SIGLEC15: variants seen among roughly 807,000 people sequenced by gnomAD.
SIGLEC15 encodes sialic acid-binding Ig-like lectin 15.
SIGLEC15 carries 31 observed loss-of-function variants against 26.2 expected under a neutral mutation model. The observed-to-expected ratio is 1.18, with a 90% CI of 0.89 to 1.60. SIGLEC15 has a LOEUF of 1.60. SIGLEC15 is among the 40% of genes most tolerant of loss of function. The pLI is 0.00. For missense variants in SIGLEC15, 501 were observed against 488.4 expected, an observed-to-expected ratio of 1.03 and a Z score of -0.24; for synonymous variants, 207 against 221.9, an observed-to-expected ratio of 0.93 and a Z score of 0.60.
chr18:45,838,505 CT>C (rs765795082), intron 3 of SIGLEC15: 16 of 677,902 alleles, frequency 2.4e-5, no homozygotes, highest in Non-Finnish European at 3.7e-5. Flanking sequence ...CTTAAGGCAA[CT>C]GCTATCATGA....
At chr18:45,832,756 C>G (rs886597359) in intron 1 of SIGLEC15, among the ~76,000 whole-genome samples, 2 of 152,196 alleles carry the variant, frequency 1.3e-5, no homozygotes, top group Admixed American at 6.5e-5. Context: ...AGCAGACAGG[C>G]ATAAGCTGCC....
intron 1 of SIGLEC15, among the ~76,000 whole-genome samples, chr18:45,829,894 C>T (rs935880990): frequency 6.6e-6 from 1 of 152,186 alleles, no homozygotes; most frequent in Non-Finnish European, 1.5e-5. Context: ...TAAAGCCCAC[C>T]CCAGCAGACC....
At chr18:45,827,610 A>T (rs1042797074) in intron 1 of SIGLEC15, among the ~76,000 whole-genome samples, 2 of 152,138 alleles carry the variant, frequency 1.3e-5, no homozygotes, top group Non-Finnish European at 2.9e-5. Flanking sequence ...ACCTTTCTTG[A>T]GTCCCTGTAA....
chr18:45,827,287 C>T (rs879433341), intron 1 of SIGLEC15, among the ~76,000 whole-genome samples: 1 of 152,140 alleles, frequency 6.6e-6, no homozygotes, highest in African/African-American at 2.4e-5. Context: ...AGGGGCTCAA[C>T]AAGTGGCAGG....
At position 45,838,737 on chromosome 18, in the gene SIGLEC15, C is replaced by CAGAT. The variant is rs1037657712; in HGVS notation, c.517_518insGATA (p.Ile173ArgfsTer45). 7 of 1,579,288 alleles carry CAGAT rather than the reference C, an allele frequency of 4.4e-6. No individual in the cohort carries two copies. The African/African-American group carries it at 9.6e-5, about 22-fold the overall frequency. On this transcript the variant is annotated frameshift_variant, in exon 4 of 6. Transcript: ENST00000389474. LOFTEE classifies it high-confidence loss of function. ...CTGCAGCCGCGCCGCGGATCGTCAA[C>CAGAT]ATCTCGGTGCTGCCCAGTCCGGCTC... is the stretch of plus-strand genomic sequence containing the variant.
rs749688384 is a variant in SIGLEC15 at position 45,838,756 on chromosome 18, C to G, written c.535C>G (p.Pro179Ala). ...RIVNISVLPS[P>A]AHAFRALCTA... ...CGTCAACATCTCGGTGCTGCCCAGT[C>G]CGGCTCACGCCTTCCGCGCGCTCTG... Residue 179 changes from proline (P) to alanine (A), a missense_variant, in exon 4 of 6, where the codon CCG becomes GCG. Coordinates refer to ENST00000389474, the MANE Select transcript of SIGLEC15 (RefSeq NM_213602.3). 5 of 1,581,938 alleles carry G rather than the reference C, an allele frequency of 3.2e-6. No individual in the cohort carries two copies. The highest frequency in any genetic ancestry group is 1.4e-5 in the African/African-American group (1 of 73,822).
intron 3 of SIGLEC15, 50 bp from the exon 4 acceptor site, chr18:45,838,668 G>A (rs934987955): frequency 9.4e-6 from 14 of 1,493,716 alleles, no homozygotes; most frequent in Non-Finnish European, 1.2e-5. Flanking sequence ...CGTCCAAAGG[G>A]CTAAGGGGAG....
At chr18:45,828,062 CTCT>C (rs1439029899) in intron 1 of SIGLEC15, among the ~76,000 whole-genome samples, 6 of 152,200 alleles carry the variant, frequency 3.9e-5, no homozygotes, top group Admixed American at 6.5e-5. Flanking sequence ...CTTCTGGCTG[CTCT>C]TCTTCTGGGA....
intron 5 of SIGLEC15, among the ~76,000 whole-genome samples, chr18:45,841,889 A>T (rs2048327587): frequency 6.6e-6 from 1 of 152,086 alleles, no homozygotes; most frequent in Non-Finnish European, 1.5e-5. Context: ...AGACAGAGAT[A>T]GCAACTCTAT....
intron 3 of SIGLEC15, 96 bp downstream of exon 3, chr18:45,837,992 C>T: frequency 7.3e-7 from 1 of 1,362,584 alleles, no homozygotes; most frequent in Non-Finnish European, 9.4e-7. Context: ...TGTGCTGAGC[C>T]AGGAAGGGCA....
chr18:45,831,091 G>A (rs1191582712), intron 1 of SIGLEC15, among the ~76,000 whole-genome samples: 1 of 152,146 alleles, frequency 6.6e-6, no homozygotes, highest in Non-Finnish European at 1.5e-5. Flanking sequence ...CAGAGCTAGG[G>A]CTGGAGCCCC....
Position 45,842,349 on chromosome 18 carries a change from T to C in SIGLEC15, c.*162T>C, listed in dbSNP as rs1315736176. The C allele has an allele frequency of 1.5e-6, 1 of 665,536 alleles. No individual in the cohort carries two copies. Among genetic ancestry groups the C allele is most frequent in the Admixed American group, 2.9e-5 (1 of 35,050 alleles). 41.2% of individuals were successfully genotyped at this position (665,536 alleles called of 1,614,324 possible). On this transcript the variant is annotated 3_prime_UTR_variant, in exon 6 of 6. Coordinates refer to ENST00000389474, the MANE Select transcript of SIGLEC15 (RefSeq NM_213602.3). ...TCAAGACCCTGCTCAAGGAGGCTCA[T>C]CTGGCCTCCTATGTGGACAACCATT...
At chr18:45,833,676 T>C (rs1317688259) in intron 1 of SIGLEC15, among the ~76,000 whole-genome samples, 2 of 152,212 alleles carry the variant, frequency 1.3e-5, no homozygotes, top group Admixed American at 6.5e-5. Context: ...ACAGATTTAA[T>C]GCAAACCAAG....
chr18:45,838,595 G>T, intron 3 of SIGLEC15, 123 bp from the exon 4 acceptor site: 1 of 1,312,072 alleles, frequency 7.6e-7, no homozygotes, highest in Non-Finnish European at 1.0e-6. Flanking sequence ...TTGGGACGGG[G>T]GCAGCCTGGC....
chr18:45,840,137 T>C (rs538607614), intron 4 of SIGLEC15, 74 bp from the exon 5 acceptor site: 2 of 1,535,862 alleles, frequency 1.3e-6, no homozygotes, highest in African/African-American at 2.7e-5. Context: ...CCACATGGCA[T>C]GGGTGGGGGT....
Position 45,842,217 on chromosome 18 carries a change from A to G in SIGLEC15, c.*30A>G, listed in dbSNP as rs1402877626. On this transcript the variant is annotated 3_prime_UTR_variant, in exon 6 of 6. Coordinates refer to ENST00000389474, the MANE Select transcript of SIGLEC15 (RefSeq NM_213602.3). Reference sequence around the variant, plus strand: ...TCCCTCAGCCACCAACATCCATTTCAGCACTGTAAAGAACAAAGGCCAGTG... The same window carrying G: ...TCCCTCAGCCACCAACATCCATTTCGGCACTGTAAAGAACAAAGGCCAGTG... 6.2e-7 allele frequency: 1 copy of G among 1,611,884 alleles called. No homozygotes were observed. Among genetic ancestry groups the G allele is most frequent in the South Asian group, 1.1e-5 (1 of 91,026 alleles).
Position 45,837,762 on chromosome 18 carries a change from G to T in SIGLEC15, c.362G>T (p.Arg121Leu). 6.6e-7 allele frequency: 1 copy of T among 1,519,934 alleles called. No individual in the cohort carries two copies. Among genetic ancestry groups the T allele is most frequent in the East Asian group, 2.7e-5 (1 of 37,360 alleles). 94.2% of individuals were successfully genotyped at this position (1,519,934 alleles called of 1,614,324 possible). ...HGRFRLLGNP[R>L]RNDLSLRVER... ...CGCTTCCGGCTGCTGGGCAACCCGCGCCGCAACGACCTCTCGCTGCGCGTC... is the reference window on the plus strand; with the variant it reads ...CGCTTCCGGCTGCTGGGCAACCCGCTCCGCAACGACCTCTCGCTGCGCGTC... Residue 121 changes from arginine to leucine, a missense_variant, in exon 3 of 6, where the codon CGC (arginine) becomes CTC (leucine). Arg to Leu is a moderately radical substitution (Grantham distance 102). Coordinates refer to ENST00000389474, the MANE Select transcript of SIGLEC15 (RefSeq NM_213602.3).
At chr18:45,839,128 G>A (rs2048303576) in intron 4 of SIGLEC15, 33 bp downstream of exon 4, 2 of 1,358,842 alleles carry the variant, frequency 1.5e-6, no homozygotes, top group South Asian at 3.6e-5. Context: ...TGGCCGCGAG[G>A]GGCCGGGCCG....
intron 3 of SIGLEC15, 106 bp downstream of exon 3, chr18:45,838,002 A>T: frequency 7.5e-7 from 1 of 1,331,642 alleles, no homozygotes; most frequent in South Asian, 1.7e-5. Flanking sequence ...CAGGAAGGGC[A>T]ACGAGACCCA....
Sources: gnomAD v4.1 joint callset for allele counts (sites outside exome capture counted in the v4.1 genomes callset) on GRCh38, gnomAD v4.1.1 for gene constraint, MANE v1.5 for transcripts, NCBI Gene and HGNC (gene_info 2026-07-23, HGNC 2026-07-21) for gene names.